DDI2: variants seen among roughly 807,000 people sequenced by gnomAD.
DDI2 encodes protein DDI1 homolog 2.
Under a neutral mutation model 48.1 loss-of-function variants are expected in DDI2, and 5 were observed. The observed-to-expected ratio is 0.10, with a 90% CI of 0.05 to 0.22. DDI2 has a LOEUF of 0.22. Ranked by LOEUF, DDI2 falls within the 10% of genes least tolerant of loss-of-function variation. DDI2 has a pLI of 1.00. For synonymous variants in DDI2, 205 were observed against 183.6 expected (o/e 1.12, Z -0.94); for missense variants, 285 against 506.2 (o/e 0.56, Z 4.19).
chr1:15,643,168 C>T (rs1196420975), intron 5 of DDI2, among the ~76,000 whole-genome samples: 1 of 152,124 alleles, frequency 6.6e-6, no homozygotes, highest in Non-Finnish European at 1.5e-5. Flanking sequence ...CAGGAGGCGA[C>T]GGCTTAGAGA....
chr1:15,621,143 A>G (rs1232899139), intron 1 of DDI2, among the ~76,000 whole-genome samples: 1 of 152,198 alleles, frequency 6.6e-6, no homozygotes, highest in African/African-American at 2.4e-5. Context: ...GAAGCCAGTC[A>G]TGGCTCTGTT....
chr1:15,628,017 C>T (rs978264044), intron 2 of DDI2, among the ~76,000 whole-genome samples: 3 of 151,788 alleles, frequency 2.0e-5, no homozygotes, highest in African/African-American at 7.3e-5. Flanking sequence ...ACCACATCTT[C>T]CTTTGGTTAA....
At position 15,639,604 on chromosome 1, in the gene DDI2, C is replaced by T. The variant is rs371930625; in HGVS notation, c.760+1170C>T. Among the ~76,000 whole-genome samples, 158 of 152,230 alleles carry T rather than the reference C, an allele frequency of 1.0e-3. 1 individual carries two copies. The highest frequency in any genetic ancestry group is 3.7e-3 in the African/African-American group (152 of 41,552). Reference sequence around the variant, plus strand: ...TCAGCCTCTCAAGTAGCTGGAACCACAGGCATGTGCAACCATACCTGGCTG... The same window carrying T: ...TCAGCCTCTCAAGTAGCTGGAACCATAGGCATGTGCAACCATACCTGGCTG... On this transcript the variant is annotated intron_variant, in intron 5 of 9. Transcript: ENST00000480945.
intron 1 of DDI2, among the ~76,000 whole-genome samples, chr1:15,622,614 T>C (rs551520753): frequency 6.6e-6 from 1 of 152,268 alleles, no homozygotes; most frequent in African/African-American, 2.4e-5. Context: ...GCTTTGTAGC[T>C]GTTGAGTTGG....
At position 15,660,287 on chromosome 1, in the gene DDI2, T is replaced by A. The variant is rs779893212; in HGVS notation, c.*497T>A. On this transcript the variant is annotated 3_prime_UTR_variant, in exon 10 of 10. Coordinates refer to ENST00000480945, the MANE Select transcript of DDI2 (RefSeq NM_032341.5). ...AGTTTATCTGTCACATCTACTAGGA[T>A]GCATGAACCACAGATGTTTCTAGGT... The A allele has an allele frequency of 6.2e-7, 1 of 1,614,164 alleles. No individual in the cohort carries two copies. Among genetic ancestry groups the A allele is most frequent in the East Asian group, 2.2e-5 (1 of 44,890 alleles).
chr1:15,625,852 C>T (rs370028581), intron 1 of DDI2, among the ~76,000 whole-genome samples: 1 of 152,136 alleles, frequency 6.6e-6, no homozygotes, highest in African/African-American at 2.4e-5. Context: ...CCCCTGACCT[C>T]GTGATCCACC....
At chr1:15,623,387 CTTTTTTTTTT>C (rs777821777) in intron 1 of DDI2, among the ~76,000 whole-genome samples, 1 of 107,516 alleles carries the variant, frequency 9.3e-6, no homozygotes, top group Admixed American at 9.7e-5. Context: ...TTTTCTTCTT[CTTTTTTTTTT>C]TTTTTTTTTT....
chr1:15,627,063 C>G, intron 2 of DDI2: 1 of 421,078 alleles, frequency 2.4e-6, no homozygotes, highest in Non-Finnish European at 4.3e-6. Flanking sequence ...ACAGCAAGCC[C>G]TCAATAAATG....
Position 15,660,961 on chromosome 1 carries a change from G to A in DDI2, c.*1171G>A. On this transcript the variant is annotated 3_prime_UTR_variant, in exon 10 of 10. Transcript: ENST00000480945. ...GAAAGAACTTCATGAACTTTTGGTT[G>A]TTAGCAGTAAACCAGCTTCAGAAAA... 1 of 1,613,574 alleles carries A rather than the reference G, an allele frequency of 6.2e-7. No homozygotes were observed.
chr1:15,636,918 A>T (rs1639939457), intron 4 of DDI2, among the ~76,000 whole-genome samples: 1 of 152,326 alleles, frequency 6.6e-6, no homozygotes, highest in East Asian at 1.9e-4. Context: ...TTTCCATAAA[A>T]CTTTTTTTGC....
intron 1 of DDI2, among the ~76,000 whole-genome samples, chr1:15,623,808 C>G (rs1639709678): frequency 6.6e-6 from 1 of 152,038 alleles, no homozygotes; most frequent in South Asian, 2.1e-4. Context: ...CGTCTGTAAT[C>G]CCAGCACTTT....
chr1:15,634,699 T>C (rs1320809507), intron 4 of DDI2, among the ~76,000 whole-genome samples: 1 of 151,836 alleles, frequency 6.6e-6, no homozygotes, highest in East Asian at 1.9e-4. Context: ...GCCCAGCTAA[T>C]TTTTTCATTT....
At position 15,626,778 on chromosome 1, in the gene DDI2, G is replaced by C. The variant is rs202121145; in HGVS notation, c.248G>C (p.Arg83Pro). Residue 83 changes from arginine (R) to proline (P), a missense_variant, in exon 2 of 10, where the codon CGA becomes CCA. Coordinates refer to ENST00000480945, the MANE Select transcript of DDI2 (RefSeq NM_032341.5). ...ILRQKENADPRPPVQFPNLPR... is the reference protein window; with the variant it reads ...ILRQKENADPPPPVQFPNLPR... Reference sequence around the variant, plus strand: ...CGACAGAAGGAGAATGCAGACCCTCGACCTCCAGTGCAGTTCCCAAGTAAG... The same window carrying C: ...CGACAGAAGGAGAATGCAGACCCTCCACCTCCAGTGCAGTTCCCAAGTAAG... 2 of 1,613,964 alleles carry C rather than the reference G, an allele frequency of 1.2e-6. No individual in the cohort carries two copies. The highest frequency in any genetic ancestry group is 2.7e-5 in the African/African-American group (2 of 74,892).
rs1473298105 is a variant in DDI2 at position 15,669,007 on chromosome 1, CATTTGAT to C, written c.*9222_*9228del. ...TCTGAAGAAAAAGTGGTGTGTAAAA[CATTTGAT>C]ATTTAAGACAATAAAGTTTTTATCA... On this transcript the variant is annotated 3_prime_UTR_variant, in exon 10 of 10. Transcript: ENST00000480945. 6.6e-6 allele frequency: 1 copy of C among 152,044 alleles called. No homozygotes were observed. The highest frequency in any genetic ancestry group is 1.5e-5 in the Non-Finnish European group (1 of 68,020). 9.4% of individuals were successfully genotyped at this position (152,044 alleles called of 1,614,324 possible). A position where few individuals can be genotyped will look rare whatever the true frequency, so the allele number is the denominator to read the frequency against.
intron 1 of DDI2, among the ~76,000 whole-genome samples, chr1:15,625,992 T>C (rs1262352146): frequency 2.6e-5 from 4 of 152,196 alleles, no homozygotes; most frequent in Non-Finnish European, 5.9e-5. Flanking sequence ...TGGGACCCTT[T>C]TGCCAGTGTT....
Position 15,630,494 on chromosome 1 carries a change from G to A in DDI2, c.438G>A (p.Pro146=), listed in dbSNP as rs200999837. The A allele has an allele frequency of 2.5e-5, 41 of 1,614,142 alleles. No homozygotes were observed. The highest frequency in any genetic ancestry group is 1.1e-4 in the South Asian group (10 of 91,076). ...TCCGAGATATGTTGCTGGCCAACCC[G>A]CATGAGCTGTCCTTGCTGAAGGAAC... is the stretch of plus-strand genomic sequence containing the variant. ...ALLRDMLLAN[P]HELSLLKERN... The change falls in exon 3 of 10, where the codon CCG becomes CCA. Residue 146 remains proline, a synonymous_variant. Transcript: ENST00000480945.
In DDI2 at chr1:15,663,748, G is replaced by T. The variant is rs900128888; in HGVS notation, c.*3958G>T. The T allele has an allele frequency of 7.0e-6, 1 of 142,994 alleles. No homozygotes were observed. The highest frequency in any genetic ancestry group is 1.5e-5 in the Non-Finnish European group (1 of 65,112). The allele number at this position is 142,994 out of a possible 1,614,324, so 8.9% of individuals were successfully genotyped here. On this transcript the variant is annotated 3_prime_UTR_variant, in exon 10 of 10. Coordinates refer to ENST00000480945, the MANE Select transcript of DDI2 (RefSeq NM_032341.5). ...CCCTGTATTTGCTTTATGGGTGGTG[G>T]TTTGGGAATGTATTCTAAGCTTATA... is the stretch of plus-strand genomic sequence containing the variant.
chr1:15,660,209 C>A lies in DDI2; in HGVS notation c.*419C>A. On this transcript the variant is annotated 3_prime_UTR_variant, in exon 10 of 10. Coordinates refer to ENST00000480945, the MANE Select transcript of DDI2 (RefSeq NM_032341.5). ...GTTGCAGGTAATCTGGAGAAATCTG[C>A]TGAAAGAAGCACCCAGGGCCTCAAA... 6.2e-7 allele frequency: 1 copy of A among 1,614,208 alleles called. No individual in the cohort carries two copies. The highest frequency in any genetic ancestry group is 8.5e-7 in the Non-Finnish European group (1 of 1,180,036).
Position 15,662,742 on chromosome 1 carries a change from T to A in DDI2, c.*2952T>A, listed in dbSNP as rs1640401498. 6.6e-6 allele frequency: 1 copy of A among 152,260 alleles called. No homozygotes were observed. The highest frequency in any genetic ancestry group is 2.4e-5 in the African/African-American group (1 of 41,468). 9.4% of individuals were successfully genotyped at this position (152,260 alleles called of 1,614,324 possible). ...GATCTGAGTGAAATACTAAGTGTGA[T>A]AACCTTGTCACTGGTTAATCTTGGT... is the stretch of plus-strand genomic sequence containing the variant. On this transcript the variant is annotated 3_prime_UTR_variant, in exon 10 of 10. Transcript: ENST00000480945.
Sources: gnomAD v4.1 joint callset for allele counts (sites outside exome capture counted in the v4.1 genomes callset) on GRCh38, gnomAD v4.1.1 for gene constraint, MANE v1.5 for transcripts, NCBI Gene and HGNC (gene_info 2026-07-23, HGNC 2026-07-21) for gene names.